The following RIMS2 variants were observed in gnomAD, a reference collection of about 807,000 sequenced individuals.
RIMS2 encodes regulating synaptic membrane exocytosis 2, also known as regulating synaptic membrane exocytosis protein 2.
Under a neutral mutation model 174.4 loss-of-function variants are expected in RIMS2, and 59 were observed. That is an observed-to-expected ratio of 0.34 (90% CI 0.27 to 0.42). The LOEUF is 0.42. RIMS2 is among the 10% of genes least tolerant of loss of function. RIMS2 has a pLI of 1.00. For synonymous variants in RIMS2, 606 were observed against 572.5 expected (o/e 1.06, Z -0.84); for missense variants, 1,620 against 1,666.3 (o/e 0.97, Z 0.48).
chr8:103,568,968 A>G, intron 1 of RIMS2: 1 of 646,060 alleles, frequency 1.5e-6, no homozygotes, highest in South Asian at 1.6e-5. Context: ...TTACAGCTGC[A>G]TGAGCTGATC....
intron 3 of RIMS2, among the ~76,000 whole-genome samples, chr8:103,866,848 G>A (rs2099086807): frequency 6.6e-6 from 1 of 151,888 alleles, no homozygotes; most frequent in Non-Finnish European, 1.5e-5. Flanking sequence ...TGACGCTTTT[G>A]TGACTCTTAT....
intron 1 of RIMS2, among the ~76,000 whole-genome samples, chr8:103,610,239 TG>T: frequency 6.6e-6 from 1 of 152,116 alleles, no homozygotes; most frequent in South Asian, 2.1e-4. Flanking sequence ...GGGGATAGAG[TG>T]GGAGGTTTTA....
At chr8:104,085,996 C>A (rs2097530358) in intron 19 of RIMS2, among the ~76,000 whole-genome samples, 2 of 151,948 alleles carry the variant, frequency 1.3e-5, no homozygotes, top group Non-Finnish European at 2.9e-5. Context: ...AATGGGTAGA[C>A]AATGGATTAT....
chr8:103,592,167 A>G (rs1365825431), intron 1 of RIMS2, among the ~76,000 whole-genome samples: 1 of 151,162 alleles, frequency 6.6e-6, no homozygotes, highest in Non-Finnish European at 1.5e-5. Context: ...TAGGTTAGAA[A>G]TCCTAATTTC....
At chr8:104,115,298 A>C (rs2098262151) in intron 19 of RIMS2, among the ~76,000 whole-genome samples, 1 of 152,096 alleles carries the variant, frequency 6.6e-6, no homozygotes. Context: ...TGATGTCTTT[A>C]CTGAATCATT....
intron 14 of RIMS2, among the ~76,000 whole-genome samples, chr8:103,944,203 T>G (rs2083189532): frequency 6.6e-6 from 1 of 152,080 alleles, no homozygotes. Context: ...TCTTTCAGCC[T>G]CCCCACATAG....
At chr8:104,069,554 C>T (rs1343580384) in intron 19 of RIMS2, among the ~76,000 whole-genome samples, 7 of 149,476 alleles carry the variant, frequency 4.7e-5, no homozygotes, top group Admixed American at 1.3e-4. Context: ...CTGCAACCTC[C>T]GCCTCCCGGG....
At chr8:104,218,727 T>C (rs2099142341) in intron 19 of RIMS2, among the ~76,000 whole-genome samples, 1 of 152,102 alleles carries the variant, frequency 6.6e-6, no homozygotes, top group Non-Finnish European at 1.5e-5. Flanking sequence ...AGGTTCGCAC[T>C]CCTGTGAGGC....
chr8:104,127,154 T>C (rs968224465), intron 19 of RIMS2, among the ~76,000 whole-genome samples: 9 of 152,164 alleles, frequency 5.9e-5, no homozygotes, highest in Admixed American at 5.2e-4. Flanking sequence ...GAATATTCAC[T>C]TTTTTCAGGT....
At chr8:103,756,979 C>CTGTGTGTGTG (rs71575983) in intron 2 of RIMS2, among the ~76,000 whole-genome samples, 17 of 135,056 alleles carry the variant, frequency 1.3e-4, no homozygotes, top group South Asian at 2.5e-4. Flanking sequence ...GTGTGTGTGT[C>CTGTGTGTGTG]TGTGTGTGTG....
At chr8:104,060,176 T>C (rs1429044319) in intron 19 of RIMS2, among the ~76,000 whole-genome samples, 3 of 151,822 alleles carry the variant, frequency 2.0e-5, no homozygotes, top group Admixed American at 6.6e-5. Context: ...TCTGGTAGAA[T>C]TCGGCTGTGA....
intron 19 of RIMS2, among the ~76,000 whole-genome samples, chr8:104,152,347 A>G (rs932011663): frequency 2.6e-5 from 4 of 152,138 alleles, no homozygotes; most frequent in Non-Finnish European, 5.9e-5. Flanking sequence ...TACTCCCCTT[A>G]ATAGATTTGA....
At chr8:104,075,933 G>A (rs2097281924) in intron 19 of RIMS2, among the ~76,000 whole-genome samples, 1 of 152,130 alleles carries the variant, frequency 6.6e-6, no homozygotes, top group Non-Finnish European at 1.5e-5. Flanking sequence ...CCCAAACCAG[G>A]CCACAGTCTT....
intron 1 of RIMS2, among the ~76,000 whole-genome samples, chr8:103,645,839 T>C (rs900321197): frequency 8.5e-5 from 13 of 152,058 alleles, no homozygotes; most frequent in African/African-American, 2.4e-4. Context: ...ATTAAAAAAA[T>C]GAATAATATT....
At chr8:103,737,936 T>C (rs2097707845) in intron 2 of RIMS2, among the ~76,000 whole-genome samples, 1 of 152,184 alleles carries the variant, frequency 6.6e-6, no homozygotes, top group African/African-American at 2.4e-5. Flanking sequence ...AAAGTGCACT[T>C]ATATGATTAT....
At chr8:103,800,223 AT>A (rs1044359861) in intron 3 of RIMS2, among the ~76,000 whole-genome samples, 14 of 149,588 alleles carry the variant, frequency 9.4e-5, no homozygotes, top group South Asian at 2.1e-4. Flanking sequence ...CCACACTGTA[AT>A]TTTTTTTTTA....
At chr8:103,614,237 G>C (rs1175277043) in intron 1 of RIMS2, among the ~76,000 whole-genome samples, 2 of 152,224 alleles carry the variant, frequency 1.3e-5, no homozygotes, top group Admixed American at 6.5e-5. Context: ...ATTTCCCCCT[G>C]GCCAGGTCTG....
At chr8:104,015,436 AG>A (rs2095873463) in intron 19 of RIMS2, 1 of 710,168 alleles carries the variant, frequency 1.4e-6, no homozygotes, top group Non-Finnish European at 2.6e-6. Context: ...AATGGAGTCA[AG>A]GAGATAGAAC....
chr8:103,904,985 C>T (rs866062691), intron 4 of RIMS2, among the ~76,000 whole-genome samples: 1 of 151,830 alleles, frequency 6.6e-6, no homozygotes, highest in East Asian at 1.9e-4. Context: ...TTGGTGCTGA[C>T]GTTTAACTAG....
Sources: gnomAD v4.1 joint callset for allele counts (sites outside exome capture counted in the v4.1 genomes callset) on GRCh38, gnomAD v4.1.1 for gene constraint, MANE v1.5 for transcripts, NCBI Gene and HGNC (gene_info 2026-07-23, HGNC 2026-07-21) for gene names.